OLFML2A: variants seen among roughly 807,000 people sequenced by gnomAD.
OLFML2A encodes the protein olfactomedin-like protein 2A.
Under a neutral mutation model 60.9 loss-of-function variants are expected in OLFML2A, and 47 were observed. The observed-to-expected ratio is 0.77, with a 90% confidence interval of 0.61 to 0.98. OLFML2A has a LOEUF of 0.98. Among genes scored for constraint, OLFML2A ranks in the 50% least tolerant of loss-of-function variants. OLFML2A has a pLI of 0.00. For missense variants in OLFML2A, 922 were observed against 879.8 expected, an observed-to-expected ratio of 1.05 and a Z score of -0.61; for synonymous variants, 372 against 375.0, an observed-to-expected ratio of 0.99 and a Z score of 0.09.
intron 4 of OLFML2A, chr9:124,801,063 A>G (rs771102129): frequency 1.7e-5 from 27 of 1,551,210 alleles, no homozygotes; most frequent in Non-Finnish European, 2.6e-6. Flanking sequence ...TAAGAGAGAC[A>G]AGGCTGGGAA....
chr9:124,799,599 G>GA, intron 4 of OLFML2A, 108 bp downstream of exon 4: 2 of 927,770 alleles, frequency 2.2e-6, no homozygotes, highest in Non-Finnish European at 3.3e-6. Context: ...GGGGCTGTAA[G>GA]ATGGGGTTGA....
intron 7 of OLFML2A, 22 bp from the exon 8 acceptor site, chr9:124,809,786 T>C (rs1170610790): frequency 6.4e-7 from 1 of 1,572,758 alleles, no homozygotes; most frequent in Admixed American, 1.7e-5. Context: ...AGGTCTGGGG[T>C]GACCATCGCC....
chr9:124,802,471 G>A (rs1487029097), intron 5 of OLFML2A, among the ~76,000 whole-genome samples: 1 of 152,240 alleles, frequency 6.6e-6, no homozygotes, highest in Non-Finnish European at 1.5e-5. Flanking sequence ...TCCTTTGAGA[G>A]CCCTCTTGTT....
Position 124,784,454 on chromosome 9 carries a change from G to A in OLFML2A, c.91-2521G>A, listed in dbSNP as rs10986418. ...CTTGACCTCATGATCCACCCGCCTCGGCCTCCCAAAGTGCTGGGATTACAG... is the reference window on the plus strand; with the variant it reads ...CTTGACCTCATGATCCACCCGCCTCAGCCTCCCAAAGTGCTGGGATTACAG... On this transcript the variant is annotated intron_variant, in intron 1 of 7. Transcript: ENST00000373580. 4.5e-3 allele frequency among the ~76,000 whole-genome samples: 679 copies of A among 152,034 alleles called. 25 individuals carry two copies. The East Asian group carries it at 0.096, about 22-fold the overall frequency.
chr9:124,806,154 A>C (rs1841893867), intron 6 of OLFML2A, among the ~76,000 whole-genome samples: 2 of 151,934 alleles, frequency 1.3e-5, no homozygotes, highest in South Asian at 4.1e-4. Context: ...ATCTTATAAG[A>C]GTTTAAATTC....
intron 5 of OLFML2A, among the ~76,000 whole-genome samples, chr9:124,802,966 C>T (rs1353645042): frequency 6.6e-6 from 1 of 151,916 alleles, no homozygotes; most frequent in African/African-American, 2.4e-5. Context: ...AGTGGTGCAG[C>T]GGTGCAATCT....
chr9:124,791,007 G>A (rs1280791460), intron 2 of OLFML2A, among the ~76,000 whole-genome samples: 1 of 152,200 alleles, frequency 6.6e-6, no homozygotes, highest in African/African-American at 2.4e-5. Flanking sequence ...ACTGGGGGTT[G>A]GAGGGTGCCT....
intron 7 of OLFML2A, 55 bp downstream of exon 7, chr9:124,808,021 G>T: frequency 2.9e-6 from 4 of 1,371,864 alleles, no homozygotes; most frequent in Non-Finnish European, 4.1e-6. Flanking sequence ...CTGGGGAGGG[G>T]TCCTCATGGG....
rs1842037256 is a variant in OLFML2A, at chr9:124,812,347, A to G, written c.*1935A>G. 1 of 152,054 alleles carries G rather than the reference A, an allele frequency of 6.6e-6. No individual in the cohort carries two copies. Among genetic ancestry groups the G allele is most frequent in the Non-Finnish European group, 1.5e-5 (1 of 68,070 alleles). 9.4% of individuals were successfully genotyped at this position (152,054 alleles called of 1,614,324 possible). The stretch of plus-strand genomic sequence containing the variant: ...GCTAATTTTTGTATTTTTAGTAGAG[A>G]CAGGGGTTTCACCACGTTGGCCAGG... On this transcript the variant is annotated 3_prime_UTR_variant, in exon 8 of 8. Transcript: ENST00000373580.
chr9:124,799,180 G>T, intron 3 of OLFML2A, 105 bp from the exon 4 acceptor site: 1 of 795,238 alleles, frequency 1.3e-6, no homozygotes, highest in Non-Finnish European at 2.1e-6. Context: ...CCCGTTCGGG[G>T]GACTGGGCAG....
chr9:124,801,691 G>C (rs1160159249), intron 5 of OLFML2A, 28 bp downstream of exon 5: 39 of 1,605,676 alleles, frequency 2.4e-5, no homozygotes, highest in Non-Finnish European at 3.3e-5. Flanking sequence ...GGGGACCCTG[G>C]GGAGTCAGGG....
In OLFML2A at chr9:124,810,166, G is replaced by T; in HGVS notation, c.1713G>T (p.Arg571=). The part of the protein sequence containing the change: ...HRETTWKTRL[R]RNSYGNCFLV... The stretch of plus-strand genomic sequence containing the variant: ...AGACCACGTGGAAGACACGGCTGCG[G>T]CGGAACTCCTACGGGAACTGCTTCC... The change falls in exon 8 of 8, where the codon CGG becomes CGT. Residue 571 remains arginine, a synonymous_variant. Coordinates refer to ENST00000373580, the MANE Select transcript of OLFML2A (RefSeq NM_182487.4). 1 of 1,613,954 alleles carries T rather than the reference G, an allele frequency of 6.2e-7. No individual in the cohort carries two copies. Among genetic ancestry groups the T allele is most frequent in the Non-Finnish European group, 8.5e-7 (1 of 1,180,010 alleles).
intron 5 of OLFML2A, among the ~76,000 whole-genome samples, chr9:124,803,628 GAAT>G (rs1841825998): frequency 6.6e-6 from 1 of 152,216 alleles, no homozygotes; most frequent in African/African-American, 2.4e-5. Flanking sequence ...TTCCATGGCA[GAAT>G]AATAGGAGAA....
chr9:124,801,458 T>C lies in OLFML2A; in HGVS notation c.714T>C (p.Ser238=), dbSNP rs2131270175. ...GKGKDISKYG[S]VQKSFADRGL... ...GCAAGGACATCAGCAAGTATGGCAG[T>C]GTGCAGAAAAGCTTTGCAGACAGAG... Residue 238 remains serine (S), a synonymous_variant, in exon 5 of 8, where the codon AGT becomes AGC. Transcript: ENST00000373580. The C allele has an allele frequency of 1.2e-6, 2 of 1,614,046 alleles. No homozygotes were observed. The highest frequency in any genetic ancestry group is 2.7e-5 in the African/African-American group (2 of 75,004).
chr9:124,792,728 TAGG>T (rs1841591160), intron 2 of OLFML2A, among the ~76,000 whole-genome samples: 1 of 152,154 alleles, frequency 6.6e-6, no homozygotes, highest in Non-Finnish European at 1.5e-5. Flanking sequence ...ATGTAGCCCC[TAGG>T]AGGAGCCATC....
chr9:124,809,366 G>C (rs978670551), intron 7 of OLFML2A, among the ~76,000 whole-genome samples: 3 of 152,112 alleles, frequency 2.0e-5, no homozygotes, highest in African/African-American at 4.8e-5. Context: ...GGCTGGAGGA[G>C]AGGCCCCTCA....
At chr9:124,788,593 C>G (rs1564282850) in intron 2 of OLFML2A, among the ~76,000 whole-genome samples, 1 of 152,098 alleles carries the variant, frequency 6.6e-6, no homozygotes, top group Non-Finnish European at 1.5e-5. Flanking sequence ...GCAACAAGAG[C>G]AAGACTCCAT....
chr9:124,779,410 G>A lies in OLFML2A; in HGVS notation c.90+2050G>A, dbSNP rs139667057. 6.6e-6 allele frequency among the ~76,000 whole-genome samples: 1 copy of A among 152,282 alleles called. No individual in the cohort carries two copies. The highest frequency in any genetic ancestry group is 1.5e-5 in the Non-Finnish European group (1 of 68,014). On this transcript the variant is annotated intron_variant, in intron 1 of 7. Transcript: ENST00000373580. The surrounding 1 kb of genome is among the most constrained non-coding windows in gnomAD (Gnocchi z 4.1). The stretch of plus-strand genomic sequence containing the variant: ...CTGGCTGGGAGGGATATTTGGTGTT[G>A]GGCATCGTCTGTGCAGAGAGCTGTA...
chr9:124,808,165 G>C (rs1841940370), intron 7 of OLFML2A, among the ~76,000 whole-genome samples, 199 bp downstream of exon 7: 1 of 152,350 alleles, frequency 6.6e-6, no homozygotes, highest in Admixed American at 6.5e-5. Flanking sequence ...TGGCACCCCG[G>C]TGTGCTAGCA....
Sources: allele counts gnomAD v4.1 joint callset (sites outside exome capture counted in the v4.1 genomes callset), GRCh38; gene constraint gnomAD v4.1.1; non-coding constraint Gnocchi (gnomAD v3.1); transcripts MANE v1.5; gene names NCBI Gene and HGNC (gene_info 2026-07-23, HGNC 2026-07-21).